MDM1: variants seen among roughly 807,000 people sequenced by gnomAD.
MDM1 encodes the protein stabilizer of axonemal microtubules 6.
Under a neutral mutation model 89.1 loss-of-function variants are expected in MDM1, and 61 were observed. The ratio of observed to expected loss-of-function variants is 0.68; its 90% CI spans 0.56 to 0.85. MDM1 has a LOEUF of 0.85. Ranked by LOEUF, MDM1 falls within the 40% of genes least tolerant of loss-of-function variation. The pLI, the probability that MDM1 is intolerant of heterozygous loss-of-function variation, is 0.00. For missense variants in MDM1, 820 were observed against 846.5 expected, an observed-to-expected ratio of 0.97 and a Z score of 0.39; for synonymous variants, 290 against 294.1, an observed-to-expected ratio of 0.99 and a Z score of 0.14.
At chr12:68,307,706 T>C (rs1289666649) in intron 12 of MDM1, among the ~76,000 whole-genome samples, 2 of 151,948 alleles carry the variant, frequency 1.3e-5, no homozygotes, top group Non-Finnish European at 2.9e-5. Context: ...GGGAGGCCGA[T>C]GCAGGTGGAT....
chr12:68,306,036 C>A (rs1194882705), intron 12 of MDM1, among the ~76,000 whole-genome samples: 1 of 149,800 alleles, frequency 6.7e-6, no homozygotes, highest in Non-Finnish European at 1.5e-5. Context: ...GTTACAGCAA[C>A]CACAACATCA....
At chr12:68,310,756 C>T (rs1023194636) in intron 12 of MDM1, among the ~76,000 whole-genome samples, 1 of 152,238 alleles carries the variant, frequency 6.6e-6, no homozygotes, top group Admixed American at 6.5e-5. Flanking sequence ...CCATCTCCCA[C>T]CTGTTCCCAA....
rs185444464 is a variant in MDM1 at position 68,318,160 on chromosome 12, G to A, written c.1006-1550C>T. On this transcript the variant is annotated intron_variant, in intron 7 of 14. Coordinates refer to ENST00000682720, the MANE Select transcript of MDM1 (RefSeq NM_001354969.2). ...CAGTGAGCCAACCTGTACATAAATT[G>A]TCATAATATTGATGGGGGTCTATGC... 3.2e-3 allele frequency among the ~76,000 whole-genome samples: 484 copies of A among 152,264 alleles called. 4 individuals are homozygous for A. Among genetic ancestry groups the A allele is most frequent in the African/African-American group, 0.01 (429 of 41,536 alleles).
chr12:68,314,796 A>G, intron 10 of MDM1, 152 bp downstream of exon 10: 1 of 646,650 alleles, frequency 1.5e-6, no homozygotes. Flanking sequence ...CAAATTATTC[A>G]CCATACAGCA....
chr12:68,299,838 C>T (rs1383092098), intron 13 of MDM1, among the ~76,000 whole-genome samples: 2 of 152,166 alleles, frequency 1.3e-5, no homozygotes, highest in Admixed American at 1.3e-4. Flanking sequence ...TCAATGAACT[C>T]TTAGGAACTT....
At chr12:68,309,089 A>C (rs1405450835) in intron 12 of MDM1, among the ~76,000 whole-genome samples, 1 of 152,194 alleles carries the variant, frequency 6.6e-6, no homozygotes, top group Non-Finnish European at 1.5e-5. Context: ...TATATCCATC[A>C]CAATTCCCAT....
At position 68,321,506 on chromosome 12, in the gene MDM1, T is replaced by C. The variant is rs1428448131; in HGVS notation, c.905+19A>G. 6.2e-7 allele frequency: 1 copy of C among 1,610,252 alleles called. No homozygotes were observed. The highest frequency in any genetic ancestry group is 2.2e-5 in the East Asian group (1 of 44,806). On this transcript the variant is annotated intron_variant, in intron 6 of 14. Transcript: ENST00000682720. Reference sequence around the variant, plus strand: ...ATGTTAATCATTGAAATACCATATTTTCCTATTAAAATACATACCCAAGCC... The same window carrying C: ...ATGTTAATCATTGAAATACCATATTCTCCTATTAAAATACATACCCAAGCC...
At chr12:68,324,256 T>C (rs17105259) in intron 4 of MDM1, among the ~76,000 whole-genome samples, 9,639 of 152,122 alleles carry the variant, frequency 0.063, 506 homozygotes, top group African/African-American at 0.14. Flanking sequence ...AGGGCTTTGA[T>C]TTGAATCAGC....
rs1487593033 is a variant in MDM1 at position 68,321,347 on chromosome 12, C to G, written c.1005G>C (p.Gln335His). ...GCTTATTGAGGTCATGTACACTCACCTGATTTGGCATGTTTCCCTTTACAT... is the reference window on the plus strand; with the variant it reads ...GCTTATTGAGGTCATGTACACTCACGTGATTTGGCATGTTTCCCTTTACAT... ...WTHVKGNMPNQGSLNAMWYAE... is the reference protein window; with the variant it reads ...WTHVKGNMPNHGSLNAMWYAE... Residue 335 changes from glutamine to histidine, a missense_variant and splice_region_variant, in exon 7 of 15, where the codon CAG (glutamine) becomes CAC (histidine). Coordinates refer to ENST00000682720, the MANE Select transcript of MDM1 (RefSeq NM_001354969.2). The G allele has an allele frequency of 6.2e-7, 1 of 1,611,802 alleles. No individual in the cohort carries two copies. Among genetic ancestry groups the G allele is most frequent in the Non-Finnish European group, 8.5e-7 (1 of 1,178,764 alleles).
chr12:68,308,728 C>T (rs1439047007), intron 12 of MDM1, among the ~76,000 whole-genome samples: 1 of 152,182 alleles, frequency 6.6e-6, no homozygotes, highest in Non-Finnish European at 1.5e-5. Flanking sequence ...CAGTGCCTGG[C>T]ACTTGGTAAG....
chr12:68,331,228 T>G lies in MDM1; in HGVS notation c.19-7A>C. On this transcript the variant is annotated splice_region_variant and splice_polypyrimidine_tract_variant and intron_variant, in intron 1 of 14. Coordinates refer to ENST00000682720, the MANE Select transcript of MDM1 (RefSeq NM_001354969.2). Reference sequence around the variant, plus strand: ...TCTGGTATTCACTCAGCCCCTGTAATGCAAAGTACACTTTTGAGTACAGTC... The same window carrying G: ...TCTGGTATTCACTCAGCCCCTGTAAGGCAAAGTACACTTTTGAGTACAGTC... 6.9e-7 allele frequency: 1 copy of G among 1,443,000 alleles called. No homozygotes were observed. The highest frequency in any genetic ancestry group is 9.8e-7 in the Non-Finnish European group (1 of 1,023,978). The allele number at this position is 1,443,000 out of a possible 1,614,324, so 89.4% of individuals were successfully genotyped here.
chr12:68,329,930 G>C (rs1319413180), intron 2 of MDM1, among the ~76,000 whole-genome samples: 1 of 152,152 alleles, frequency 6.6e-6, no homozygotes, highest in Non-Finnish European at 1.5e-5. Flanking sequence ...TTCAAATCAT[G>C]GTTCTGCCAC....
rs116617637 is a variant in MDM1, at chr12:68,301,547, G to A, written c.2002+1073C>T. Among the ~76,000 whole-genome samples, 1,094 of 152,034 alleles carry A rather than the reference G, an allele frequency of 7.2e-3. 6 individuals carry two copies. The highest frequency in any genetic ancestry group is 0.024 in the African/African-American group (1,013 of 41,452). On this transcript the variant is annotated intron_variant, in intron 13 of 14. Transcript: ENST00000682720. ...TTAAAATCCAGAATTCACCACTATA[G>A]AATACATCCATGTAACCAAAACTAC...
At chr12:68,310,420 C>T (rs564462600) in intron 12 of MDM1, among the ~76,000 whole-genome samples, 1 of 152,272 alleles carries the variant, frequency 6.6e-6, no homozygotes, top group African/African-American at 2.4e-5. Flanking sequence ...GAAAATAATA[C>T]ATATAAATCC....
chr12:68,325,668 T>A (rs957436212), intron 3 of MDM1, 93 bp from the exon 4 acceptor site: 3 of 1,377,150 alleles, frequency 2.2e-6, no homozygotes, highest in Non-Finnish European at 1.9e-6. Context: ...ATGAAATCTA[T>A]CCTCTTAACA....
intron 12 of MDM1, among the ~76,000 whole-genome samples, chr12:68,311,776 A>T (rs1377208995): frequency 6.6e-6 from 1 of 152,228 alleles, no homozygotes; most frequent in Non-Finnish European, 1.5e-5. Flanking sequence ...TTGGAAAAGA[A>T]ACTTCAGAGA....
In MDM1 at chr12:68,326,094, G is replaced by A. The variant is rs1875928140; in HGVS notation, c.499-519C>T. Reference sequence around the variant, plus strand: ...AGAGCAGTGGAACAGAATGGAGAAAGAAATGTGGAAAGCATTGAGATCCCC... The same window carrying A: ...AGAGCAGTGGAACAGAATGGAGAAAAAAATGTGGAAAGCATTGAGATCCCC... On this transcript the variant is annotated intron_variant, in intron 3 of 14. Transcript: ENST00000682720. The A allele has an allele frequency of 3.0e-6, 3 of 1,001,986 alleles. No individual in the cohort carries two copies. The South Asian group carries it at 1.3e-4, about 44-fold the overall frequency. The allele number at this position is 1,001,986 out of a possible 1,614,324, so 62.1% of individuals were successfully genotyped here.
At chr12:68,313,419 C>T in intron 12 of MDM1, 24 bp downstream of exon 12, 1 of 1,520,574 alleles carries the variant, frequency 6.6e-7, no homozygotes, top group Non-Finnish European at 9.1e-7. Context: ...AGATGAGATG[C>T]TTTTTTCCCC....
chr12:68,323,286 C>A (rs373023938), intron 4 of MDM1, 46 bp from the exon 5 acceptor site: 3 of 1,404,606 alleles, frequency 2.1e-6, no homozygotes, highest in Non-Finnish European at 2.9e-6. Flanking sequence ...ATTAAATATG[C>A]GGAACTTTGG....
Sources: gnomAD v4.1 joint callset for allele counts (sites outside exome capture counted in the v4.1 genomes callset) on GRCh38, gnomAD v4.1.1 for gene constraint, MANE v1.5 for transcripts, NCBI Gene and HGNC (gene_info 2026-07-23, HGNC 2026-07-21) for gene names.